PCDH15: variants seen among roughly 807,000 people sequenced by gnomAD.
PCDH15 encodes protocadherin-15.
PCDH15 carries 129 observed loss-of-function variants against 178.5 expected under a neutral mutation model. That is an observed-to-expected ratio of 0.72 (90% confidence interval 0.63 to 0.84). The LOEUF (loss-of-function observed/expected upper bound fraction) is 0.84. PCDH15 is among the 40% of genes least tolerant of loss of function. The probability of loss-of-function intolerance (pLI) is 0.00; values close to 1 mark genes in which losing one functional copy is unlikely to be tolerated. For synonymous variants in PCDH15, 800 were observed against 732.0 expected (o/e 1.09, Z -1.50); for missense variants, 2,230 against 2,099.9 (o/e 1.06, Z -1.21).
At chr10:53,905,284 G>A in intron 25 of PCDH15, 1 of 506,566 alleles carries the variant, frequency 2.0e-6, no homozygotes, top group South Asian at 1.4e-5. Flanking sequence ...ATACAAATAG[G>A]ATACATTAAA....
At chr10:54,711,954 T>C (rs2095431743) in intron 1 of PCDH15, among the ~76,000 whole-genome samples, 1 of 151,892 alleles carries the variant, frequency 6.6e-6, no homozygotes, top group African/African-American at 2.4e-5. Flanking sequence ...GTATTGAGAT[T>C]TGTATAATGT....
chr10:54,427,026 GT>G (rs1956348434), intron 3 of PCDH15, among the ~76,000 whole-genome samples: 1 of 151,882 alleles, frequency 6.6e-6, no homozygotes, highest in South Asian at 2.1e-4. Context: ...AAAGTTCCAT[GT>G]TTTAACGTTA....
intron 20 of PCDH15, among the ~76,000 whole-genome samples, chr10:54,007,921 C>T (rs751730658): frequency 2.6e-5 from 4 of 151,958 alleles, no homozygotes; most frequent in African/African-American, 9.7e-5. Flanking sequence ...AGTAATTAGA[C>T]CAAGTATAGA....
At chr10:55,310,958 G>T (rs1200177162) in intron 1 of PCDH15, among the ~76,000 whole-genome samples, 1 of 152,082 alleles carries the variant, frequency 6.6e-6, no homozygotes, top group African/African-American at 2.4e-5. Flanking sequence ...AATCACCATG[G>T]CATGTGTATA....
chr10:54,725,211 C>T (rs66939165), intron 1 of PCDH15, among the ~76,000 whole-genome samples: 18,377 of 150,810 alleles, frequency 0.12, 1,226 homozygotes, highest in African/African-American at 0.17. Flanking sequence ...GCGAAATTTT[C>T]TATATATTAA....
intron 2 of PCDH15, among the ~76,000 whole-genome samples, chr10:55,026,674 A>G (rs9299555): frequency 0.63 from 96,154 of 151,702 alleles, 30,737 homozygotes; most frequent in East Asian, 0.76. Flanking sequence ...TTAGGTAGTC[A>G]TGGCTTTAAA....
chr10:55,448,108 C>A (rs1839356903), intron 2 of PCDH15, among the ~76,000 whole-genome samples: 1 of 151,792 alleles, frequency 6.6e-6, no homozygotes, highest in African/African-American at 2.4e-5. Context: ...TAAAATTGAT[C>A]TTAAAGAAAA....
At chr10:54,337,927 T>C (rs1038734012) in intron 6 of PCDH15, among the ~76,000 whole-genome samples, 1 of 152,216 alleles carries the variant, frequency 6.6e-6, no homozygotes, top group African/African-American at 2.4e-5. Context: ...CCACAGGCTG[T>C]ATATCCATGG....
chr10:55,413,123 A>C (rs1050048881), intron 2 of PCDH15, among the ~76,000 whole-genome samples: 41 of 151,884 alleles, frequency 2.7e-4, no homozygotes, highest in Non-Finnish European at 4.4e-5. Flanking sequence ...ACCACTATTT[A>C]TATAATTCTT....
chr10:54,804,257 T>C (rs185212902), upstream of PCDH15, among the ~76,000 whole-genome samples: 1,165 of 152,256 alleles, frequency 7.7e-3, 9 homozygotes, highest in African/African-American at 0.026. Flanking sequence ...GCCAGGATGG[T>C]CTCGATCTCC....
At position 53,804,604 on chromosome 10, in the gene PCDH15, G is replaced by GA. The variant is rs1428775287; in HGVS notation, c.*1974dup. 1 of 152,026 alleles carries GA rather than the reference G, an allele frequency of 6.6e-6. No individual in the cohort carries two copies. The highest frequency in any genetic ancestry group is 1.5e-5 in the Non-Finnish European group (1 of 67,930). 9.4% of individuals were successfully genotyped at this position (152,026 alleles called of 1,614,324 possible). ...AATCAAAGGACAAAAACGCAGCCAT[G>GA]AAGCTGTATATAGAGAGAATATCAA... is the stretch of plus-strand genomic sequence containing the variant. On this transcript the variant is annotated 3_prime_UTR_variant, in exon 38 of 38. Transcript: ENST00000644397.
intron 18 of PCDH15, among the ~76,000 whole-genome samples, chr10:54,058,562 T>C (rs1194481743): frequency 6.6e-6 from 1 of 152,212 alleles, no homozygotes; most frequent in Non-Finnish European, 1.5e-5. Flanking sequence ...GTGGGAATTA[T>C]GGGAGCTACA....
At chr10:55,216,058 T>G (rs1255516257) in intron 1 of PCDH15, among the ~76,000 whole-genome samples, 1 of 151,906 alleles carries the variant, frequency 6.6e-6, no homozygotes, top group Non-Finnish European at 1.5e-5. Flanking sequence ...ATTAATGAAT[T>G]TATCTGTGCC....
At chr10:54,795,259 T>G (rs2133613755) in intron 1 of PCDH15, among the ~76,000 whole-genome samples, 1 of 151,956 alleles carries the variant, frequency 6.6e-6, no homozygotes, top group Non-Finnish European at 1.5e-5. Flanking sequence ...TAAAAATTCC[T>G]ACCGCCTCTC....
chr10:53,962,630 C>T (rs2088481515), intron 21 of PCDH15, among the ~76,000 whole-genome samples: 1 of 152,140 alleles, frequency 6.6e-6, no homozygotes, highest in Admixed American at 6.6e-5. Flanking sequence ...CTCTGTTACC[C>T]ATTTTAGAGC....
At chr10:55,254,913 A>G (rs1485924440) in intron 1 of PCDH15, among the ~76,000 whole-genome samples, 1 of 151,670 alleles carries the variant, frequency 6.6e-6, no homozygotes, top group Non-Finnish European at 1.5e-5. Flanking sequence ...ATGTCATAGG[A>G]ATTGTTTAAA....
chr10:54,582,283 C>A (rs1380229417), intron 2 of PCDH15, among the ~76,000 whole-genome samples: 1 of 152,032 alleles, frequency 6.6e-6, no homozygotes, highest in East Asian at 1.9e-4. Context: ...TGAAGAGGTA[C>A]TTCTCAAAAG....
At chr10:54,678,365 AC>A (rs1329592488) in intron 1 of PCDH15, among the ~76,000 whole-genome samples, 1 of 152,142 alleles carries the variant, frequency 6.6e-6, no homozygotes, top group African/African-American at 2.4e-5. Flanking sequence ...CATTTGGATG[AC>A]ATTTATTTAT....
intron 5 of PCDH15, among the ~76,000 whole-genome samples, chr10:54,356,942 C>A (rs1274905135): frequency 2.0e-5 from 3 of 152,060 alleles, no homozygotes; most frequent in Non-Finnish European, 4.4e-5. Context: ...CAGAAAAGGC[C>A]TTTGACAAAA....
Sources: gnomAD v4.1 joint callset for allele counts (sites outside exome capture counted in the v4.1 genomes callset) on GRCh38, gnomAD v4.1.1 for gene constraint, MANE v1.5 for transcripts, NCBI Gene and HGNC (gene_info 2026-07-23, HGNC 2026-07-21) for gene names.